Variants in GTPBP4 observed in about 807,000 individuals in gnomAD.
The protein encoded by GTPBP4 is GTP-binding protein 4.
GTPBP4 carries 15 observed loss-of-function variants against 81.7 expected under a neutral mutation model. That is an observed-to-expected ratio of 0.18 (90% CI 0.12 to 0.28). The LOEUF is 0.28. GTPBP4 is among the 10% of genes least tolerant of loss of function. GTPBP4 has a pLI of 1.00. For synonymous variants in GTPBP4, 272 were observed against 274.6 expected (o/e 0.99, Z 0.09); for missense variants, 847 against 793.8 (o/e 1.07, Z -0.81).
intron 13 of GTPBP4, 169 bp from the exon 14 acceptor site, chr10:1,012,296 C>CT: frequency 2.0e-6 from 1 of 507,940 alleles, no homozygotes; most frequent in Admixed American, 3.6e-5. Flanking sequence ...TCACAGAACC[C>CT]TCCCTGTGAG....
intron 11 of GTPBP4, 102 bp from the exon 12 acceptor site, chr10:1,009,427 T>G: frequency 2.4e-6 from 2 of 833,618 alleles, no homozygotes; most frequent in East Asian, 4.9e-5. Context: ...CCACTGATAC[T>G]GAGAGGATTG....
intron 9 of GTPBP4, 57 bp from the exon 10 acceptor site, chr10:1,006,961 A>T: frequency 9.4e-7 from 1 of 1,061,718 alleles, no homozygotes; most frequent in Non-Finnish European, 1.5e-6. Context: ...TGGAACCTGT[A>T]GCTGGAGGCT....
intron 6 of GTPBP4, 60 bp downstream of exon 6, chr10:999,155 G>A: frequency 1.0e-6 from 1 of 982,072 alleles, no homozygotes. Context: ...TTTCACTCTT[G>A]TTGCCCAGGC....
intron 1 of GTPBP4, among the ~76,000 whole-genome samples, chr10:991,149 CT>C (rs1831434494): frequency 1.3e-5 from 2 of 152,128 alleles, no homozygotes; most frequent in Admixed American, 1.3e-4. Flanking sequence ...GGGCGTGCCC[CT>C]CATAGTACAA....
rs371380047 is a variant in GTPBP4, at chr10:1,012,524, T to A, written c.1404T>A (p.Ser468Arg). The change falls in exon 14 of 17, where the codon AGT becomes AGA. Residue 468 changes from serine to arginine, a missense_variant. Transcript: ENST00000360803. ...GAACAGCTGCTGGAGAGTATGACAGTGTATCTGAGAGTGAAGACGAAGAGA... is the reference window on the plus strand; with the variant it reads ...GAACAGCTGCTGGAGAGTATGACAGAGTATCTGAGAGTGAAGACGAAGAGA... ...ELRTAAGEYD[S>R]VSESEDEEML... 1.2e-6 allele frequency: 2 copies of A among 1,613,104 alleles called. No homozygotes were observed. The highest frequency in any genetic ancestry group is 1.1e-5 in the South Asian group (1 of 91,046).
intron 10 of GTPBP4, 130 bp from the exon 11 acceptor site, chr10:1,008,828 G>T: frequency 5.4e-6 from 4 of 745,944 alleles, no homozygotes; most frequent in Non-Finnish European, 9.7e-6. Context: ...TAATCTGTTG[G>T]TTGTTCATTG....
At chr10:1,009,450 T>C (rs1362821890) in intron 11 of GTPBP4, 79 bp from the exon 12 acceptor site, 2 of 944,614 alleles carry the variant, frequency 2.1e-6, no homozygotes, top group African/African-American at 3.2e-5. Context: ...GAAAAGATTG[T>C]TTCAAGTGAC....
chr10:1,013,536 G>T (rs980431199), intron 14 of GTPBP4, among the ~76,000 whole-genome samples: 1 of 152,004 alleles, frequency 6.6e-6, no homozygotes, highest in Non-Finnish European at 1.5e-5. Context: ...TGTGAACCCG[G>T]GAGGCAGAGC....
chr10:996,401 TA>T (rs1831538907), intron 4 of GTPBP4, 159 bp downstream of exon 4: 1 of 502,156 alleles, frequency 2.0e-6, no homozygotes, highest in African/African-American at 1.9e-5. Context: ...GGCTGGTTTT[TA>T]TTGAAAATAA....
Position 1,000,886 on chromosome 10 carries a change from T to C in GTPBP4, c.846+18T>C, listed in dbSNP as rs756344483. 1 of 1,611,954 alleles carries C rather than the reference T, an allele frequency of 6.2e-7. No individual in the cohort carries two copies. The highest frequency in any genetic ancestry group is 1.7e-5 in the Admixed American group (1 of 59,978). On this transcript the variant is annotated intron_variant, in intron 7 of 16. Coordinates refer to ENST00000360803, the MANE Select transcript of GTPBP4 (RefSeq NM_012341.3). ...TCAACAAGGTGTGTGTGGTCACTCA[T>C]GTTTTGCTTCATATCCTGCAGTACG... is the stretch of plus-strand genomic sequence containing the variant.
chr10:999,638 A>G (rs1388103011), intron 6 of GTPBP4, among the ~76,000 whole-genome samples: 1 of 152,228 alleles, frequency 6.6e-6, no homozygotes, highest in African/African-American at 2.4e-5. Context: ...TAACTCTGTT[A>G]TCAGAAATGG....
At chr10:1,004,783 T>C (rs1202129351) in intron 8 of GTPBP4, among the ~76,000 whole-genome samples, 1 of 152,114 alleles carries the variant, frequency 6.6e-6, no homozygotes, top group African/African-American at 2.4e-5. Context: ...GGCTTGGGGA[T>C]GTTGGGCCAC....
At chr10:1,001,142 A>T in intron 8 of GTPBP4, 129 bp downstream of exon 8, 1 of 661,874 alleles carries the variant, frequency 1.5e-6, no homozygotes, top group Non-Finnish European at 2.7e-6. Context: ...TTGAGATAAT[A>T]TCCTCAGTGG....
intron 5 of GTPBP4, 139 bp from the exon 6 acceptor site, chr10:998,864 G>A: frequency 1.6e-6 from 1 of 616,440 alleles, no homozygotes; most frequent in East Asian, 2.8e-5. Context: ...GAGGTACCAG[G>A]CTCCTATTCG....
chr10:1,015,833 T>C lies in GTPBP4; in HGVS notation c.1689T>C (p.Ser563=), dbSNP rs1831978715. The C allele has an allele frequency of 6.2e-7, 1 of 1,613,928 alleles. No homozygotes were observed. Among genetic ancestry groups the C allele is most frequent in the Admixed American group, 1.7e-5 (1 of 60,006 alleles). ...GGGAAGACTCTGCTCCCCCGTCCTC[T>C]GTGGCCCGGAGTGGGAGTTGCTCTC... ...RKREDSAPPS[S]VARSGSCSRT... Residue 563 remains serine (S), a synonymous_variant, in exon 16 of 17, where the codon TCT becomes TCC. Transcript: ENST00000360803.
At position 1,009,045 on chromosome 10, in the gene GTPBP4, C is replaced by T. The variant is rs1326183303; in HGVS notation, c.1191+10C>T. On this transcript the variant is annotated intron_variant, in intron 11 of 16. Transcript: ENST00000360803. Reference sequence around the variant, plus strand: ...GTCCAGGAAGAAGAGGGTATGCTGCCGAAGCTCTCGCCCAGTGTTCTCATG... The same window carrying T: ...GTCCAGGAAGAAGAGGGTATGCTGCTGAAGCTCTCGCCCAGTGTTCTCATG... 5.6e-6 allele frequency: 9 copies of T among 1,593,054 alleles called. No individual in the cohort carries two copies. The highest frequency in any genetic ancestry group is 2.7e-5 in the African/African-American group (2 of 74,494).
rs1477907706 is a variant in GTPBP4, at chr10:1,014,279, T to C, written c.1575T>C (p.Arg525=). ...VQRTVLEKEM[R]SLGVDMDDKD... ...GGACAGTTTTGGAGAAGGAGATGCG[T>C]AGTCTTGGTGTTGACATGGACGATA... The change falls in exon 15 of 17, where the codon CGT becomes CGC. Residue 525 remains arginine, a synonymous_variant. Coordinates refer to ENST00000360803, the MANE Select transcript of GTPBP4 (RefSeq NM_012341.3). 12 of 1,609,392 alleles carry C rather than the reference T, an allele frequency of 7.5e-6. No homozygotes were observed. Among genetic ancestry groups the C allele is most frequent in the Non-Finnish European group, 1.0e-5 (12 of 1,175,786 alleles).
chr10:1,015,480 G>GAGCA lies in GTPBP4; in HGVS notation c.1609-273_1609-272insAGCA, dbSNP rs1831966413. On this transcript the variant is annotated intron_variant, in intron 15 of 16. Coordinates refer to ENST00000360803, the MANE Select transcript of GTPBP4 (RefSeq NM_012341.3). ...TGGGAGTGGGGCTGGGGTCCTGAGCGCTGAGCCTGGGAGTGGGGCTGGGGT... is the reference window on the plus strand; with the variant it reads ...TGGGAGTGGGGCTGGGGTCCTGAGCGAGCACTGAGCCTGGGAGTGGGGCTGGGGT... Among the ~76,000 whole-genome samples the GAGCA allele has an allele frequency of 4.5e-3, 31 of 6,886 alleles. 12 individuals carry two copies. Among genetic ancestry groups the GAGCA allele is most frequent in the Non-Finnish European group, 0.015 (29 of 1,930 alleles). The allele number at this position is 6,886 out of a possible 152,430, so 4.5% of individuals were successfully genotyped here. A position where few individuals can be genotyped will look rare whatever the true frequency, so the allele number is the denominator to read the frequency against.
At chr10:997,097 G>A (rs1473624508) in intron 4 of GTPBP4, 111 bp from the exon 5 acceptor site, 2 of 717,084 alleles carry the variant, frequency 2.8e-6, no homozygotes, top group African/African-American at 1.8e-5. Flanking sequence ...TACAAAAGTT[G>A]GAGTAAGATG....
Sources: allele counts gnomAD v4.1 joint callset (sites outside exome capture counted in the v4.1 genomes callset), GRCh38; gene constraint gnomAD v4.1.1; transcripts MANE v1.5; gene names NCBI Gene and HGNC (gene_info 2026-07-23, HGNC 2026-07-21).